Variants in WIPI1 observed in about 807,000 individuals in gnomAD.
The protein encoded by WIPI1 is WD repeat domain phosphoinositide-interacting protein 1.
Under a neutral mutation model 55.3 loss-of-function variants are expected in WIPI1, and 45 were observed. The observed-to-expected ratio is 0.81, with a 90% CI of 0.64 to 1.04. WIPI1 has a LOEUF of 1.04. Among genes scored for constraint, WIPI1 ranks in the 50% least tolerant of loss-of-function variants. The pLI, the probability that WIPI1 is intolerant of heterozygous loss-of-function variation, is 0.00. For missense variants in WIPI1, 445 were observed against 559.0 expected, an observed-to-expected ratio of 0.80 and a Z score of 2.06; for synonymous variants, 195 against 217.6, an observed-to-expected ratio of 0.90 and a Z score of 0.92.
At chr17:68,453,465 T>C (rs920730098) in intron 1 of WIPI1, among the ~76,000 whole-genome samples, 1 of 151,788 alleles carries the variant, frequency 6.6e-6, no homozygotes, top group Admixed American at 6.6e-5. Context: ...GAAACATGCT[T>C]TGCTTTTCTT....
At chr17:68,444,842 C>T (rs117237098) in intron 3 of WIPI1, among the ~76,000 whole-genome samples, 326 of 151,678 alleles carry the variant, frequency 2.1e-3, no homozygotes, top group South Asian at 0.011. Flanking sequence ...TTCTCTCCTT[C>T]CTTCTTCCCT....
chr17:68,425,538 T>C (rs939133286), intron 12 of WIPI1, among the ~76,000 whole-genome samples: 1 of 151,710 alleles, frequency 6.6e-6, no homozygotes, highest in African/African-American at 2.4e-5. Context: ...TCTTAATGAG[T>C]GTCTGCAACT....
intron 8 of WIPI1, 90 bp downstream of exon 8, chr17:68,433,378 A>C (rs1033896416): frequency 4.2e-6 from 5 of 1,202,282 alleles, no homozygotes; most frequent in Non-Finnish European, 2.4e-6. Context: ...TTGGGTGTTC[A>C]GAAAGAAAAG....
intron 4 of WIPI1, 82 bp from the exon 5 acceptor site, chr17:68,436,561 C>T (rs1293111478): frequency 1.5e-6 from 2 of 1,296,726 alleles, no homozygotes; most frequent in East Asian, 2.4e-5. Context: ...GAAAACAGTA[C>T]AGCTACAGTG....
chr17:68,431,156 G>A (rs917229827), intron 8 of WIPI1, among the ~76,000 whole-genome samples: 2 of 152,294 alleles, frequency 1.3e-5, no homozygotes, highest in African/African-American at 4.8e-5. Context: ...GAGAGAGCAC[G>A]GGTGTATACA....
rs2082766095 is a variant in WIPI1 at position 68,421,452 on chromosome 17, A to G, written c.*321T>C. ...ATGTTCCTATAAGTACATTTTTTAC[A>G]CGGCATATATTTAAAAAGGAGGCCC... On this transcript the variant is annotated 3_prime_UTR_variant, in exon 13 of 13. Transcript: ENST00000262139. 3.0e-6 allele frequency: 1 copy of G among 333,070 alleles called. No homozygotes were observed. Among genetic ancestry groups the G allele is most frequent in the African/African-American group, 2.0e-5 (1 of 48,788 alleles). 20.6% of individuals were successfully genotyped at this position (333,070 alleles called of 1,614,324 possible). A position where few individuals can be genotyped will look rare whatever the true frequency, so the allele number is the denominator to read the frequency against.
chr17:68,451,903 C>T (rs781242089), intron 2 of WIPI1, among the ~76,000 whole-genome samples: 4 of 152,224 alleles, frequency 2.6e-5, no homozygotes, highest in Non-Finnish European at 5.9e-5. Flanking sequence ...GTGTGCCTTT[C>T]TTCCACTTGG....
chr17:68,431,815 T>C (rs1283347108), intron 8 of WIPI1, among the ~76,000 whole-genome samples: 3 of 11,602 alleles, frequency 2.6e-4, no homozygotes, highest in African/African-American at 1.4e-3. Context: ...CTGCTCCTGG[T>C]CACCTGTGCT....
intron 11 of WIPI1, among the ~76,000 whole-genome samples, chr17:68,426,858 A>G (rs1253343883): frequency 1.3e-5 from 2 of 152,216 alleles, no homozygotes; most frequent in African/African-American, 4.8e-5. Flanking sequence ...TGAAGAGGCA[A>G]AGGGTTAACA....
intron 3 of WIPI1, 53 bp from the exon 4 acceptor site, chr17:68,444,642 G>T: frequency 1.4e-6 from 2 of 1,455,282 alleles, no homozygotes; most frequent in South Asian, 1.2e-5. Flanking sequence ...CAAAGACCCT[G>T]ACCAAATCCA....
At chr17:68,456,284 G>A (rs1049959702) in intron 1 of WIPI1, among the ~76,000 whole-genome samples, 3 of 152,206 alleles carry the variant, frequency 2.0e-5, no homozygotes, top group South Asian at 4.1e-4. Context: ...AACATAAAGG[G>A]AATGGAAGCC....
chr17:68,426,253 G>GGGGGGGGGA, intron 11 of WIPI1, 78 bp from the exon 12 acceptor site: 4 of 841,016 alleles, frequency 4.8e-6, no homozygotes, highest in South Asian at 1.3e-5. Flanking sequence ...GGGGAGCGGG[G>GGGGGGGGGA]GCTCAAATAA....
chr17:68,452,150 C>T (rs1450617122), intron 2 of WIPI1, among the ~76,000 whole-genome samples: 1 of 152,254 alleles, frequency 6.6e-6, no homozygotes, highest in African/African-American at 2.4e-5. Flanking sequence ...GTTCACTAGA[C>T]ATGCTTCAAC....
At chr17:68,424,643 A>C (rs2083035801) in intron 12 of WIPI1, 1 of 392,166 alleles carries the variant, frequency 2.5e-6, no homozygotes, top group Non-Finnish European at 5.1e-6. Context: ...TGGGAGGCCG[A>C]GACGAGTGGA....
intron 5 of WIPI1, among the ~76,000 whole-genome samples, chr17:68,435,984 G>A (rs1274161859): frequency 6.6e-6 from 1 of 152,216 alleles, no homozygotes; most frequent in Admixed American, 6.5e-5. Flanking sequence ...CGTCGCAGGC[G>A]CGCCCTGCAC....
At chr17:68,424,384 G>A (rs887977285) in intron 12 of WIPI1, 2 of 525,794 alleles carry the variant, frequency 3.8e-6, no homozygotes, top group Non-Finnish European at 7.8e-6. Context: ...TAAGCCAAAT[G>A]TGCTCACTAG....
At chr17:68,430,818 GA>G (rs1178213842) in intron 8 of WIPI1, among the ~76,000 whole-genome samples, 36 of 152,320 alleles carry the variant, frequency 2.4e-4, no homozygotes, top group African/African-American at 8.4e-4. Flanking sequence ...GTGGCACATT[GA>G]GAACCAAGGT....
At position 68,430,088 on chromosome 17, in the gene WIPI1, A is replaced by C; in HGVS notation, c.873T>G (p.Pro291=). 1 of 1,614,162 alleles carries C rather than the reference A, an allele frequency of 6.2e-7. No homozygotes were observed. Among genetic ancestry groups the C allele is most frequent in the Non-Finnish European group, 8.5e-7 (1 of 1,180,026 alleles). The change falls in exon 9 of 13, where the codon CCT becomes CCG. Residue 291 remains proline (P), a synonymous_variant. Coordinates refer to ENST00000262139, the MANE Select transcript of WIPI1 (RefSeq NM_017983.7). ...GATGCATCATGTCTGACACCTGGGTAGGGAGGTAGTTGGTAGCAGCCATAA... is the reference window on the plus strand; with the variant it reads ...GATGCATCATGTCTGACACCTGGGTCGGGAGGTAGTTGGTAGCAGCCATAA... ...KMFMAATNYL[P]TQVSDMMHQD...
intron 11 of WIPI1, 79 bp from the exon 12 acceptor site, chr17:68,426,254 G>GC (rs2083186269): frequency 2.4e-6 from 2 of 816,924 alleles, no homozygotes; most frequent in South Asian, 1.3e-5. Flanking sequence ...GGGAGCGGGG[G>GC]CTCAAATAAA....
Sources: gnomAD v4.1 joint callset for allele counts (sites outside exome capture counted in the v4.1 genomes callset) on GRCh38, gnomAD v4.1.1 for gene constraint, MANE v1.5 for transcripts, NCBI Gene and HGNC (gene_info 2026-07-23, HGNC 2026-07-21) for gene names.